EPHA4: variants seen among roughly 807,000 people sequenced by gnomAD.
EPHA4 encodes ephrin type-A receptor 4.
EPHA4 carries 19 observed loss-of-function variants against 108.3 expected under a neutral mutation model. That is an observed-to-expected ratio of 0.18 (90% CI 0.12 to 0.26). The LOEUF (loss-of-function observed/expected upper bound fraction) is 0.26, where lower values mean the gene tolerates loss of function less well. Ranked by LOEUF, EPHA4 falls within the 10% of genes least tolerant of loss-of-function variation. EPHA4 has a pLI of 1.00. For synonymous variants in EPHA4, 449 were observed against 455.5 expected (o/e 0.99, Z 0.18); for missense variants, 917 against 1,254.0 (o/e 0.73, Z 4.06).
chr2:221,509,564 T>C (rs980059436), intron 3 of EPHA4, among the ~76,000 whole-genome samples: 1 of 152,214 alleles, frequency 6.6e-6, no homozygotes, highest in African/African-American at 2.4e-5. Context: ...AATATTATTT[T>C]AAAATGGCTG....
At chr2:221,538,886 T>C (rs1177419118) in intron 3 of EPHA4, among the ~76,000 whole-genome samples, 1 of 152,224 alleles carries the variant, frequency 6.6e-6, no homozygotes, top group Admixed American at 6.5e-5. Flanking sequence ...ACACGTGGCG[T>C]GCAATGACTG....
intron 4 of EPHA4, among the ~76,000 whole-genome samples, chr2:221,499,467 A>G (rs559233664): frequency 3.4e-4 from 51 of 149,226 alleles, no homozygotes; most frequent in Non-Finnish European, 5.2e-4. Flanking sequence ...TAAAATTGTC[A>G]TCATCATCAT....
chr2:221,547,081 G>A (rs1467618197), intron 3 of EPHA4, among the ~76,000 whole-genome samples: 1 of 152,204 alleles, frequency 6.6e-6, no homozygotes, highest in Admixed American at 6.5e-5. Flanking sequence ...AGTACTTGTG[G>A]ATGCTACAGG....
At chr2:221,522,461 A>C (rs897389418) in intron 3 of EPHA4, among the ~76,000 whole-genome samples, 1 of 152,178 alleles carries the variant, frequency 6.6e-6, no homozygotes, top group Non-Finnish European at 1.5e-5. Context: ...TTCAATGACC[A>C]ACCTATAAAT....
At chr2:221,483,725 C>A (rs1691899873) in intron 4 of EPHA4, among the ~76,000 whole-genome samples, 1 of 152,050 alleles carries the variant, frequency 6.6e-6, no homozygotes, top group Non-Finnish European at 1.5e-5. Flanking sequence ...GTCTTGAACT[C>A]CTGATTTCAA....
Position 221,455,546 on chromosome 2 carries a change from C to T in EPHA4, c.1715+1G>A. On this transcript the variant is annotated splice_donor_variant, in intron 8 of 17. Coordinates refer to ENST00000281821, the MANE Select transcript of EPHA4 (RefSeq NM_004438.5). LOFTEE classifies it high-confidence loss of function. ...GCACAGTGAGTGGCTTCAGTGCTTA[C>T]CTCCGGCTGATGACAAAAGCTGCAA... 2 of 1,612,918 alleles carry T rather than the reference C, an allele frequency of 1.2e-6. No individual in the cohort carries two copies. Among genetic ancestry groups the T allele is most frequent in the Non-Finnish European group, 1.7e-6 (2 of 1,179,060 alleles).
At chr2:221,425,055 T>C (rs959000322) in intron 17 of EPHA4, among the ~76,000 whole-genome samples, 154 bp downstream of exon 17, 1 of 150,228 alleles carries the variant, frequency 6.7e-6, no homozygotes, top group East Asian at 1.9e-4. Flanking sequence ...CCTCTTTCGC[T>C]GTCAAAAAAG....
At position 221,430,406 on chromosome 2, in the gene EPHA4, A is replaced by G. The variant is rs548556056; in HGVS notation, c.2497-255T>C. ...TCTCAAGTGGCTAGAGCCCAGTCAA[A>G]TCCACAATGTGGTGTCAGTTTTGGT... On this transcript the variant is annotated intron_variant, in intron 14 of 17. Transcript: ENST00000281821. Among the ~76,000 whole-genome samples the G allele has an allele frequency of 5.9e-5, 9 of 152,300 alleles. No homozygotes were observed. In the East Asian group the frequency reaches 1.7e-3, roughly 29 times the overall value.
At chr2:221,568,582 G>C (rs186681894) in intron 2 of EPHA4, 136 bp downstream of exon 2, 1 of 597,894 alleles carries the variant, frequency 1.7e-6, no homozygotes, top group African/African-American at 1.9e-5. Context: ...CCAACAAAGC[G>C]TAATTCACTT....
At chr2:221,464,409 A>G (rs1574584952) in intron 5 of EPHA4, among the ~76,000 whole-genome samples, 1 of 152,200 alleles carries the variant, frequency 6.6e-6, no homozygotes, top group Non-Finnish European at 1.5e-5. Flanking sequence ...AATGCTTCAG[A>G]GCACTAATGA....
chr2:221,442,718 C>T, intron 11 of EPHA4, 111 bp downstream of exon 11: 1 of 1,106,452 alleles, frequency 9.0e-7, no homozygotes. Flanking sequence ...TGATTTCCTC[C>T]TATTAGCAAT....
rs796108031 is a variant in EPHA4 at position 221,419,537 on chromosome 2, TG to T, written c.*1834del. 32 of 152,782 alleles carry T rather than the reference TG, an allele frequency of 2.1e-4. No individual in the cohort carries two copies. Among genetic ancestry groups the T allele is most frequent in the African/African-American group, 7.2e-4 (30 of 41,574 alleles). The allele number at this position is 152,782 out of a possible 1,614,324, so 9.5% of individuals were successfully genotyped here. A position where few individuals can be genotyped will look rare whatever the true frequency, so the allele number is the denominator to read the frequency against. ...AAACAAAGGCTACTTGTACTCCATTTGGGGTTACCAGACACATTCCATCTCC... is the reference window on the plus strand; with the variant it reads ...AAACAAAGGCTACTTGTACTCCATTTGGGTTACCAGACACATTCCATCTCC... On this transcript the variant is annotated 3_prime_UTR_variant, in exon 18 of 18. Transcript: ENST00000281821.
At chr2:221,542,717 T>G (rs1417184946) in intron 3 of EPHA4, among the ~76,000 whole-genome samples, 1 of 152,194 alleles carries the variant, frequency 6.6e-6, no homozygotes, top group Non-Finnish European at 1.5e-5. Context: ...AAGGAAAACT[T>G]GCAGTAGAGT....
At chr2:221,476,033 A>G (rs1324004029) in intron 5 of EPHA4, among the ~76,000 whole-genome samples, 1 of 152,234 alleles carries the variant, frequency 6.6e-6, no homozygotes, top group East Asian at 1.9e-4. Context: ...CAGCCTGGGC[A>G]ACATGGAAAA....
chr2:221,529,989 C>A (rs139672823), intron 3 of EPHA4, among the ~76,000 whole-genome samples: 3 of 152,036 alleles, frequency 2.0e-5, no homozygotes, highest in Non-Finnish European at 4.4e-5. Flanking sequence ...ATTCAGAAAG[C>A]GAAATTATTT....
intron 8 of EPHA4, among the ~76,000 whole-genome samples, chr2:221,447,824 T>TATTG (rs1450936375): frequency 7.8e-4 from 118 of 150,720 alleles, no homozygotes; most frequent in African/African-American, 2.6e-3. Flanking sequence ...GGTCTATTTT[T>TATTG]ATTTATTTAT....
In EPHA4 at chr2:221,418,703, G is replaced by T. The variant is rs187306799; in HGVS notation, c.*2669C>A. 1 of 152,340 alleles carries T rather than the reference G, an allele frequency of 6.6e-6. No homozygotes were observed. The highest frequency in any genetic ancestry group is 2.4e-5 in the African/African-American group (1 of 41,450). 9.4% of individuals were successfully genotyped at this position (152,340 alleles called of 1,614,324 possible). Reference sequence around the variant, plus strand: ...AGGTGAAGCTACTTGATTTGGTGCAGCGGGGTAGTTTCCCACTGCTCTAGA... The same window carrying T: ...AGGTGAAGCTACTTGATTTGGTGCATCGGGGTAGTTTCCCACTGCTCTAGA... On this transcript the variant is annotated 3_prime_UTR_variant, in exon 18 of 18. Transcript: ENST00000281821.
upstream of EPHA4, chr2:221,573,351 G>C (rs999536967): frequency 1.3e-5 from 2 of 152,182 alleles, no homozygotes; most frequent in African/African-American, 4.8e-5. The surrounding 1 kb of genome is among the most constrained non-coding windows in gnomAD (Gnocchi z 4.5). Flanking sequence ...AGCCCCGCCC[G>C]GCTGCTCCGG....
At chr2:221,423,637 C>A (rs1226337288) in intron 17 of EPHA4, among the ~76,000 whole-genome samples, 2 of 152,024 alleles carry the variant, frequency 1.3e-5, no homozygotes, top group Non-Finnish European at 2.9e-5. Context: ...AGGAACAAAA[C>A]AACACCAGCA....
Sources: gnomAD v4.1 joint callset for allele counts (sites outside exome capture counted in the v4.1 genomes callset) on GRCh38, gnomAD v4.1.1 for gene constraint, Gnocchi (gnomAD v3.1) non-coding constraint, MANE v1.5 for transcripts, NCBI Gene and HGNC (gene_info 2026-07-23, HGNC 2026-07-21) for gene names.